Variants in TSPAN2 observed in about 807,000 individuals in gnomAD.
The protein encoded by TSPAN2 is tetraspanin-2.
A neutral mutation model predicts 33.3 loss-of-function variants in TSPAN2; 24 were observed. The ratio of observed to expected loss-of-function variants is 0.72; its 90% CI spans 0.52 to 1.01. The LOEUF (loss-of-function observed/expected upper bound fraction) is 1.01, where lower values mean the gene tolerates loss of function less well. Among genes scored for constraint, TSPAN2 ranks in the 50% least tolerant of loss-of-function variants. The pLI, the probability that TSPAN2 is intolerant of heterozygous loss-of-function variation, is 0.00. For missense variants in TSPAN2, 278 were observed against 281.3 expected, an observed-to-expected ratio of 0.99 and a Z score of 0.08; for synonymous variants, 114 against 104.5, an observed-to-expected ratio of 1.09 and a Z score of -0.56.
chr1:115,050,529 G>A lies in TSPAN2; in HGVS notation c.627C>T (p.Val209=). The change falls in exon 8 of 8, where the codon GTC becomes GTT. Residue 209 remains valine, a synonymous_variant. Transcript: ENST00000369516. The part of the protein sequence containing the change: ...LTIFGMIFSM[V]LCCAIRNSRD... ...GTGAGTTTCGTATCGCACAGCAGAG[G>A]ACCATGCTGAATATCATGCCAAAGA... 6.2e-7 allele frequency: 1 copy of A among 1,613,916 alleles called. No individual in the cohort carries two copies. Among genetic ancestry groups the A allele is most frequent in the Non-Finnish European group, 8.5e-7 (1 of 1,179,942 alleles).
Position 115,089,451 on chromosome 1 carries a change from G to C in TSPAN2, c.-19C>G. ...GCCCCATGCTGCGGCCCGGCGGCGG[G>C]ATCCCCAGTCCCCAGGCCCGCGCTA... On this transcript the variant is annotated 5_prime_UTR_variant, in exon 1 of 8. In the 5' UTR this introduces an upstream ATG that the reference lacks. Transcript: ENST00000369516. The C allele has an allele frequency of 6.5e-7, 1 of 1,543,980 alleles. No homozygotes were observed. Among genetic ancestry groups the C allele is most frequent in the Middle Eastern group, 1.8e-4 (1 of 5,460 alleles).
chr1:115,055,547 A>G (rs1490509070), intron 6 of TSPAN2, among the ~76,000 whole-genome samples: 1 of 151,838 alleles, frequency 6.6e-6, no homozygotes, highest in Non-Finnish European at 1.5e-5. Flanking sequence ...TTTTGGAGAC[A>G]GAGTCTCGCT....
Position 115,050,545 on chromosome 1 carries a change from A to T in TSPAN2, c.611T>A (p.Met204Lys). The change falls in exon 8 of 8, where the codon ATG (methionine) becomes AAG (lysine). Residue 204 changes from methionine (M) to lysine (K), a missense_variant. Physicochemically the swap from Met to Lys is moderately conservative, Grantham distance 95. Transcript: ENST00000369516. Reference sequence around the variant, plus strand: ...ACAGCAGAGGACCATGCTGAATATCATGCCAAAGATCTGAAACAGAAGAAA... The same window carrying T: ...ACAGCAGAGGACCATGCTGAATATCTTGCCAAAGATCTGAAACAGAAGAAA... ...IGIAGLTIFGMIFSMVLCCAI... is the reference protein window; with the variant it reads ...IGIAGLTIFGKIFSMVLCCAI... The T allele has an allele frequency of 6.2e-7, 1 of 1,613,712 alleles. No homozygotes were observed. The highest frequency in any genetic ancestry group is 8.5e-7 in the Non-Finnish European group (1 of 1,179,722).
At chr1:115,081,539 T>C (rs1648623537) in intron 1 of TSPAN2, among the ~76,000 whole-genome samples, 1 of 151,616 alleles carries the variant, frequency 6.6e-6, no homozygotes, top group African/African-American at 2.4e-5. Flanking sequence ...TGTAAAGGAG[T>C]TGTAGTGGAT....
rs538580720 is a variant in TSPAN2, at chr1:115,049,392, A to G, written c.*1098T>C. ...CAAAGATGCTAATGGTTAAATTATG[A>G]AGGACTTTGTTTTACTTATGTTAAG... On this transcript the variant is annotated 3_prime_UTR_variant, in exon 8 of 8. Transcript: ENST00000369516. 10 of 152,696 alleles carry G rather than the reference A, an allele frequency of 6.5e-5. No homozygotes were observed. The highest frequency in any genetic ancestry group is 2.4e-4 in the African/African-American group (10 of 41,566). The allele number at this position is 152,696 out of a possible 1,614,324, so 9.5% of individuals were successfully genotyped here. A position where few individuals can be genotyped will look rare whatever the true frequency, so the allele number is the denominator to read the frequency against.
At chr1:115,055,747 C>G (rs551073012) in intron 6 of TSPAN2, among the ~76,000 whole-genome samples, 8 of 152,096 alleles carry the variant, frequency 5.3e-5, no homozygotes, top group Non-Finnish European at 1.2e-4. Context: ...GTCTTAAACT[C>G]CTGAGCTCAG....
Position 115,048,306 on chromosome 1 carries a change from G to GATATAT in TSPAN2, c.*2178_*2183dup, listed in dbSNP as rs10641535. 5.4e-5 allele frequency: 6 copies of GATATAT among 112,142 alleles called. No homozygotes were observed. The highest frequency in any genetic ancestry group is 7.9e-5 in the Non-Finnish European group (4 of 50,416). 6.9% of individuals were successfully genotyped at this position (112,142 alleles called of 1,614,324 possible). A position where few individuals can be genotyped will look rare whatever the true frequency, so the allele number is the denominator to read the frequency against. On this transcript the variant is annotated 3_prime_UTR_variant, in exon 8 of 8. Coordinates refer to ENST00000369516, the MANE Select transcript of TSPAN2 (RefSeq NM_005725.6). ...TATATATTATATGTGTGTCTATACA[G>GATATAT]ATATATATATATATATATTCATCTT...
At chr1:115,063,779 A>G (rs777724380) in intron 2 of TSPAN2, among the ~76,000 whole-genome samples, 1 of 152,224 alleles carries the variant, frequency 6.6e-6, no homozygotes, top group African/African-American at 2.4e-5. Context: ...GCTGGAGGCC[A>G]TTATCCTAAG....
At chr1:115,060,564 T>C in intron 3 of TSPAN2, 26 bp from the exon 4 acceptor site, 1 of 1,573,536 alleles carries the variant, frequency 6.4e-7, no homozygotes, top group Non-Finnish European at 8.7e-7. Flanking sequence ...AATACTAATT[T>C]CATTAATTTA....
chr1:115,087,139 G>A (rs899237782), intron 1 of TSPAN2, among the ~76,000 whole-genome samples: 1 of 151,788 alleles, frequency 6.6e-6, no homozygotes, highest in Non-Finnish European at 1.5e-5. Flanking sequence ...GGCTGGTCTC[G>A]AACTCCTGAC....
At chr1:115,071,364 G>A (rs964454168) in intron 2 of TSPAN2, among the ~76,000 whole-genome samples, 4 of 152,218 alleles carry the variant, frequency 2.6e-5, no homozygotes, top group Admixed American at 2.6e-4. Context: ...TCTTTTGGAT[G>A]TTGCTGTACG....
At chr1:115,061,211 T>TA (rs1647706219) in intron 3 of TSPAN2, among the ~76,000 whole-genome samples, 1 of 152,216 alleles carries the variant, frequency 6.6e-6, no homozygotes, top group Non-Finnish European at 1.5e-5. Flanking sequence ...CGGCCAGAGT[T>TA]AAAAATCCAA....
intron 6 of TSPAN2, among the ~76,000 whole-genome samples, chr1:115,057,211 T>A (rs953186652): frequency 1.3e-5 from 2 of 152,122 alleles, no homozygotes; most frequent in African/African-American, 2.4e-5. Flanking sequence ...TTTTCCTCTC[T>A]CCCTCAGCTC....
rs1393202214 is a variant in TSPAN2, at chr1:115,085,797, C to T, written c.69+3567G>A. 2.0e-5 allele frequency among the ~76,000 whole-genome samples: 3 copies of T among 152,190 alleles called. No homozygotes were observed. In the South Asian group the frequency reaches 6.2e-4, roughly 32 times the overall value. Reference sequence around the variant, plus strand: ...GTCATGAGGTGCCTGTTTCAGTTGCCTCTTCGCTCTAGTTGCTGCCTCCAC... The same window carrying T: ...GTCATGAGGTGCCTGTTTCAGTTGCTTCTTCGCTCTAGTTGCTGCCTCCAC... On this transcript the variant is annotated intron_variant, in intron 1 of 7. Coordinates refer to ENST00000369516, the MANE Select transcript of TSPAN2 (RefSeq NM_005725.6).
rs1675255094 is a variant in TSPAN2 at position 115,049,643 on chromosome 1, G to A, written c.*847C>T. The A allele has an allele frequency of 6.6e-6, 1 of 152,540 alleles. No individual in the cohort carries two copies. The highest frequency in any genetic ancestry group is 2.4e-5 in the African/African-American group (1 of 41,442). The allele number at this position is 152,540 out of a possible 1,614,324, so 9.4% of individuals were successfully genotyped here. A position where few individuals can be genotyped will look rare whatever the true frequency, so the allele number is the denominator to read the frequency against. On this transcript the variant is annotated 3_prime_UTR_variant, in exon 8 of 8. Transcript: ENST00000369516. ...GAGTTTGACATAAAAGTCCCTTTGA[G>A]GATGTGAGGGTTGCAGTAGTTTACA...
At chr1:115,055,100 C>T (rs1647342072) in intron 6 of TSPAN2, among the ~76,000 whole-genome samples, 1 of 152,170 alleles carries the variant, frequency 6.6e-6, no homozygotes, top group Non-Finnish European at 1.5e-5. Context: ...CCTTCCTATA[C>T]ATTCAGCCTC....
At chr1:115,064,024 T>C (rs1647840066) in intron 2 of TSPAN2, among the ~76,000 whole-genome samples, 1 of 151,670 alleles carries the variant, frequency 6.6e-6, no homozygotes, top group African/African-American at 2.4e-5. Flanking sequence ...AACCTGCCCA[T>C]GTACCCCCTG....
At chr1:115,069,747 G>T (rs542783274) in intron 2 of TSPAN2, among the ~76,000 whole-genome samples, 1 of 152,310 alleles carries the variant, frequency 6.6e-6, no homozygotes, top group South Asian at 2.1e-4. Flanking sequence ...TGTCCATAAA[G>T]ATATGACATA....
chr1:115,065,740 C>A (rs1647927319), intron 2 of TSPAN2, among the ~76,000 whole-genome samples: 2 of 152,168 alleles, frequency 1.3e-5, no homozygotes, highest in Admixed American at 1.3e-4. Flanking sequence ...AAACATTTAT[C>A]TTTGTGTTGG....
Sources: gnomAD v4.1 joint callset for allele counts (sites outside exome capture counted in the v4.1 genomes callset) on GRCh38, gnomAD v4.1.1 for gene constraint, MANE v1.5 for transcripts, NCBI Gene and HGNC (gene_info 2026-07-23, HGNC 2026-07-21) for gene names.